Variants in LTBP1 observed in about 807,000 individuals in gnomAD.
LTBP1 encodes latent-transforming growth factor beta-binding protein 1.
LTBP1 carries 129 observed loss-of-function variants against 207.6 expected under a neutral mutation model. The ratio of observed to expected loss-of-function variants is 0.62; its 90% CI spans 0.54 to 0.72. The LOEUF (loss-of-function observed/expected upper bound fraction) is 0.72. Among genes scored for constraint, LTBP1 ranks in the 30% least tolerant of loss-of-function variants. The pLI is 0.00. For synonymous variants in LTBP1, 963 were observed against 833.7 expected, an observed-to-expected ratio of 1.16 and a Z score of -2.67; for missense variants, 2,281 against 2,217.2, an observed-to-expected ratio of 1.03 and a Z score of -0.58.
At chr2:33,353,860 C>G (rs72861411) in intron 26 of LTBP1, among the ~76,000 whole-genome samples, 1 of 98,304 alleles carries the variant, frequency 1.0e-5, no homozygotes, top group Admixed American at 9.5e-5. Context: ...GCATGTACGC[C>G]TTTTTTTTTT....
At chr2:33,212,824 A>G (rs2090412001) in intron 7 of LTBP1, among the ~76,000 whole-genome samples, 1 of 152,240 alleles carries the variant, frequency 6.6e-6, no homozygotes, top group African/African-American at 2.4e-5. Context: ...GCTCGTTGGA[A>G]CAATTTAGAT....
intron 7 of LTBP1, among the ~76,000 whole-genome samples, chr2:33,212,352 G>A (rs531411773): frequency 6.6e-6 from 1 of 152,282 alleles, no homozygotes; most frequent in Non-Finnish European, 1.5e-5. Context: ...CTAGAGATGT[G>A]GAAATGAGGG....
intron 2 of LTBP1, among the ~76,000 whole-genome samples, chr2:32,974,774 T>A (rs868646605): frequency 2.4e-4 from 37 of 152,242 alleles, no homozygotes; most frequent in African/African-American, 6.5e-4. Context: ...TGTCATTTTA[T>A]GTGAAATGGG....
chr2:33,099,929 A>G (rs554188307), intron 3 of LTBP1, among the ~76,000 whole-genome samples: 2 of 152,348 alleles, frequency 1.3e-5, no homozygotes, highest in East Asian at 3.9e-4. Context: ...GGGAATAGAT[A>G]AAATTAGCAT....
chr2:33,009,436 G>A (rs1367003104), intron 2 of LTBP1, among the ~76,000 whole-genome samples: 1 of 152,182 alleles, frequency 6.6e-6, no homozygotes, highest in East Asian at 1.9e-4. Flanking sequence ...CCATTCCAGA[G>A]AGTGTGTATG....
At chr2:33,311,017 C>T (rs1022142170) in intron 23 of LTBP1, among the ~76,000 whole-genome samples, 2 of 152,046 alleles carry the variant, frequency 1.3e-5, no homozygotes, top group African/African-American at 4.8e-5. Flanking sequence ...CCCACTATTA[C>T]TGAATATGTA....
intron 3 of LTBP1, among the ~76,000 whole-genome samples, chr2:33,021,739 G>A (rs111353378): frequency 6.6e-6 from 1 of 152,040 alleles, no homozygotes; most frequent in Non-Finnish European, 1.5e-5. Context: ...CCCAGTTGCC[G>A]TGTGGGTCCA....
At chr2:33,005,173 A>G (rs1363254967) in intron 2 of LTBP1, among the ~76,000 whole-genome samples, 2 of 152,188 alleles carry the variant, frequency 1.3e-5, no homozygotes, top group East Asian at 1.9e-4. Context: ...CAAGATGACA[A>G]AATACCTAAA....
intron 2 of LTBP1, among the ~76,000 whole-genome samples, chr2:32,959,621 A>ATATATATAT (rs1475834284): frequency 8.2e-5 from 3 of 36,670 alleles, no homozygotes; most frequent in Non-Finnish European, 9.9e-5. Flanking sequence ...ATATATATAT[A>ATATATATAT]TTTTTTTTTT....
At position 33,111,907 on chromosome 2, in the gene LTBP1, A is replaced by G. The variant is rs115495158; in HGVS notation, c.1033+1156A>G. Among the ~76,000 whole-genome samples the G allele has an allele frequency of 7.1e-4, 108 of 152,344 alleles. 1 individual carries two copies. Among genetic ancestry groups the G allele is most frequent in the Middle Eastern group, 3.4e-3 (1 of 294 alleles). The stretch of plus-strand genomic sequence containing the variant: ...TCACTTCCAAGTCATTTGCAAAAGA[A>G]TAGATGCATCTATTTGATTCTTAAA... On this transcript the variant is annotated intron_variant, in intron 4 of 33. Transcript: ENST00000404816.
At chr2:32,970,078 GT>G (rs1052796609) in intron 2 of LTBP1, among the ~76,000 whole-genome samples, 27 of 152,062 alleles carry the variant, frequency 1.8e-4, no homozygotes, top group African/African-American at 5.6e-4. Context: ...TTAAAAAAAT[GT>G]CTGTTCATTT....
At chr2:32,961,971 T>C (rs547610116) in intron 2 of LTBP1, among the ~76,000 whole-genome samples, 2 of 151,122 alleles carry the variant, frequency 1.3e-5, no homozygotes, top group African/African-American at 2.4e-5. Context: ...AATCCTTCAA[T>C]GCTTCACAGA....
intron 24 of LTBP1, among the ~76,000 whole-genome samples, chr2:33,340,908 A>G (rs2094611141): frequency 6.6e-6 from 1 of 152,194 alleles, no homozygotes; most frequent in South Asian, 2.1e-4. Flanking sequence ...AGTATAGACA[A>G]TCCTTTGTGA....
intron 26 of LTBP1, among the ~76,000 whole-genome samples, chr2:33,353,034 A>G (rs2094804835): frequency 1.5e-5 from 2 of 130,950 alleles, no homozygotes; most frequent in South Asian, 4.7e-4. Context: ...GCTGGAGTGC[A>G]GTGGTGTGAT....
rs1001363752 is a variant in LTBP1 at position 33,341,742 on chromosome 2, A to G, written c.3731-1096A>G. ...AAAAAAAAAAAAAATATATATATAT[A>G]TATGTATATTTATATATAAAAATAA... On this transcript the variant is annotated intron_variant, in intron 24 of 33. Coordinates refer to ENST00000404816, the MANE Select transcript of LTBP1 (RefSeq NM_206943.4). 2.1e-5 allele frequency among the ~76,000 whole-genome samples: 3 copies of G among 145,202 alleles called. No individual in the cohort carries two copies. In the East Asian group the frequency reaches 5.9e-4, roughly 29 times the overall value.
chr2:33,275,186 G>A, intron 17 of LTBP1, 96 bp downstream of exon 17: 1 of 1,427,920 alleles, frequency 7.0e-7, no homozygotes. Context: ...AGACAACCCA[G>A]AATTTTTTAT....
intron 3 of LTBP1, among the ~76,000 whole-genome samples, chr2:33,074,054 T>G (rs909203048): frequency 6.6e-6 from 1 of 152,248 alleles, no homozygotes; most frequent in African/African-American, 2.4e-5. Context: ...AGTAGCATTC[T>G]GCACATTTTA....
intron 2 of LTBP1, among the ~76,000 whole-genome samples, chr2:33,003,227 A>T (rs1369514153): frequency 1.3e-5 from 2 of 152,152 alleles, no homozygotes; most frequent in African/African-American, 4.8e-5. Context: ...ATGTAGAAAG[A>T]CATTTTGAGA....
In LTBP1 at chr2:32,991,316, A is replaced by G. The variant is rs142709009; in HGVS notation, c.566-29593A>G. 1.3e-4 allele frequency among the ~76,000 whole-genome samples: 20 copies of G among 152,310 alleles called. No homozygotes were observed. In the East Asian group the frequency reaches 3.9e-3, roughly 29 times the overall value. The stretch of plus-strand genomic sequence containing the variant: ...CATACTTTTTGGCTCATTACACACT[A>G]TTGTTCTTACTTGTAAATAAACTGT... On this transcript the variant is annotated intron_variant, in intron 2 of 33. Transcript: ENST00000404816.
Sources: allele counts gnomAD v4.1 joint callset (sites outside exome capture counted in the v4.1 genomes callset), GRCh38; gene constraint gnomAD v4.1.1; transcripts MANE v1.5; gene names NCBI Gene and HGNC (gene_info 2026-07-23, HGNC 2026-07-21).